NRG1: variants seen among roughly 807,000 people sequenced by gnomAD.
The protein encoded by NRG1 is neuregulin 1.
NRG1 carries 18 observed loss-of-function variants against 63.8 expected under a neutral mutation model. The ratio of observed to expected loss-of-function variants is 0.28; its 90% confidence interval spans 0.19 to 0.42. The LOEUF (loss-of-function observed/expected upper bound fraction) is 0.42. Ranked by LOEUF, NRG1 falls within the 10% of genes least tolerant of loss-of-function variation. The pLI, the probability that NRG1 is intolerant of heterozygous loss-of-function variation, is 1.00. For synonymous variants in NRG1, 302 were observed against 301.3 expected, an observed-to-expected ratio of 1.00 and a Z score of -0.02; for missense variants, 762 against 814.7, an observed-to-expected ratio of 0.94 and a Z score of 0.79.
At position 32,605,402 on chromosome 8, in the gene NRG1, A is replaced by G. The variant is rs114756965; in HGVS notation, c.279-160A>G. Among the ~76,000 whole-genome samples the G allele has an allele frequency of 7.3e-3, 1,114 of 152,306 alleles. 12 individuals carry two copies. The highest frequency in any genetic ancestry group is 0.026 in the African/African-American group (1,069 of 41,568). ...ATGCATCTTACTTTTACTCTAGGTA[A>G]AATCATGAGGTCAGATCAATGTAAC... On this transcript the variant is annotated intron_variant, in intron 2 of 11. Coordinates refer to ENST00000356819, the Ensembl canonical transcript of NRG1.
rs199989706 is a variant in NRG1 at position 31,888,022 on chromosome 8, T to A, written c.37+248591T>A. 4.6e-5 allele frequency among the ~76,000 whole-genome samples: 7 copies of A among 151,772 alleles called. No individual in the cohort carries two copies. In the East Asian group the frequency reaches 1.2e-3, roughly 25 times the overall value. ...ATAAACCTAGGATATAAACCCAATATGTAATTGATATGTTACATATCAATA... is the reference window on the plus strand; with the variant it reads ...ATAAACCTAGGATATAAACCCAATAAGTAATTGATATGTTACATATCAATA... On this transcript the variant is annotated intron_variant, in intron 1 of 10. Transcript: ENST00000519301.
intron 1 of NRG1, among the ~76,000 whole-genome samples, chr8:32,347,038 C>G (rs1460703942): frequency 6.6e-6 from 1 of 151,906 alleles, no homozygotes; most frequent in African/African-American, 2.4e-5. Flanking sequence ...ACCATGTTAG[C>G]CCAGATGGTC....
chr8:32,543,825 T>C (rs1380598092), upstream of NRG1, among the ~76,000 whole-genome samples: 1 of 152,180 alleles, frequency 6.6e-6, no homozygotes, highest in Non-Finnish European at 1.5e-5. Context: ...CAATGACTAA[T>C]TAGTAATTCT....
chr8:32,652,377 G>A (rs866092597), intron 5 of NRG1, among the ~76,000 whole-genome samples: 9 of 152,144 alleles, frequency 5.9e-5, no homozygotes, highest in Middle Eastern at 3.4e-3. Context: ...CCTAGGGTGA[G>A]TTCTTCCCTC....
At chr8:32,767,660 T>C (rs1248803579) in exon 12 of NRG1, 3 of 152,192 alleles carry the variant, frequency 2.0e-5, no homozygotes, top group Non-Finnish European at 4.4e-5. Flanking sequence ...ATCTAACATA[T>C]AGAGTTGTTT....
At chr8:31,830,185 GAATA>G (rs1586688310) in intron 1 of NRG1, among the ~76,000 whole-genome samples, 1 of 152,132 alleles carries the variant, frequency 6.6e-6, no homozygotes, top group African/African-American at 2.4e-5. Flanking sequence ...ATGAATGAAT[GAATA>G]AATAAATAAA....
intron 1 of NRG1, among the ~76,000 whole-genome samples, chr8:32,297,718 T>TCAAAG (rs150131131): frequency 0.056 from 8,480 of 152,320 alleles, 269 homozygotes; most frequent in South Asian, 0.07. Flanking sequence ...AACAAGCCTA[T>TCAAAG]ACTACCACAA....
At chr8:31,806,895 A>G (rs1397599023) in intron 1 of NRG1, among the ~76,000 whole-genome samples, 2 of 152,214 alleles carry the variant, frequency 1.3e-5, no homozygotes, top group Admixed American at 1.3e-4. Context: ...ATACATTAAG[A>G]GTTTTATTTT....
intron 1 of NRG1, among the ~76,000 whole-genome samples, chr8:32,210,614 G>A (rs184924046): frequency 2.1e-4 from 32 of 152,288 alleles, no homozygotes; most frequent in African/African-American, 7.7e-4. Flanking sequence ...GAGAAGAAAA[G>A]ATGAACTTCA....
chr8:31,869,838 A>G (rs1296542357), intron 1 of NRG1, among the ~76,000 whole-genome samples: 2 of 152,206 alleles, frequency 1.3e-5, no homozygotes, highest in Non-Finnish European at 2.9e-5. Context: ...TGCATTGAAC[A>G]TGCGCATCCA....
chr8:32,498,424 C>A (rs913358065), intron 1 of NRG1, among the ~76,000 whole-genome samples: 1 of 152,152 alleles, frequency 6.6e-6, no homozygotes, highest in African/African-American at 2.4e-5. Flanking sequence ...ACAATCATGG[C>A]AGAAGGAGAA....
At chr8:32,011,297 C>T (rs1563677456) in intron 1 of NRG1, among the ~76,000 whole-genome samples, 1 of 152,004 alleles carries the variant, frequency 6.6e-6, no homozygotes, top group Non-Finnish European at 1.5e-5. Context: ...ACAATGACAG[C>T]CAATTTAGCA....
intron 1 of NRG1, among the ~76,000 whole-genome samples, chr8:31,664,143 C>A (rs1022212199): frequency 6.6e-6 from 1 of 152,170 alleles, no homozygotes; most frequent in African/African-American, 2.4e-5. Flanking sequence ...ACCACATACC[C>A]TCTTCACGGT....
intron 1 of NRG1, among the ~76,000 whole-genome samples, chr8:31,881,928 G>A (rs1830378282): frequency 1.3e-5 from 2 of 152,144 alleles, no homozygotes; most frequent in African/African-American, 4.8e-5. Flanking sequence ...GCAAGGTGGT[G>A]CAGCAAATAC....
intron 1 of NRG1, among the ~76,000 whole-genome samples, chr8:32,223,204 G>A (rs1846000684): frequency 6.6e-6 from 1 of 152,056 alleles, no homozygotes; most frequent in Non-Finnish European, 1.5e-5. Context: ...TATAAATAAA[G>A]AGCATTTATA....
chr8:32,084,336 C>T (rs1827917218), intron 1 of NRG1, among the ~76,000 whole-genome samples: 1 of 152,030 alleles, frequency 6.6e-6, no homozygotes, highest in African/African-American at 2.4e-5. Flanking sequence ...ATGATTAGAA[C>T]ATAGTCATTT....
At chr8:32,451,679 C>T (rs1820963338) in intron 1 of NRG1, among the ~76,000 whole-genome samples, 1 of 152,184 alleles carries the variant, frequency 6.6e-6, no homozygotes, top group African/African-American at 2.4e-5. Flanking sequence ...CTCCATGCCT[C>T]CTCAAGCTTT....
rs752694813 is a variant in NRG1 at position 31,640,272 on chromosome 8, A to G, written c.37+841A>G. On this transcript the variant is annotated intron_variant, in intron 1 of 10. Transcript: ENST00000519301. The surrounding 1 kb of genome is among the most constrained non-coding windows in gnomAD (Gnocchi z 6.3). ...ACCCGCAGCGGCGGCAGCAGGGGGC[A>G]CTCGACAGGAAGGCGGCGGCGGCGG... is the stretch of plus-strand genomic sequence containing the variant. 7.9e-5 allele frequency: 90 copies of G among 1,135,398 alleles called. No homozygotes were observed. Among genetic ancestry groups the G allele is most frequent in the Admixed American group, 4.9e-4 (10 of 20,310 alleles). 70.3% of individuals were successfully genotyped at this position (1,135,398 alleles called of 1,614,324 possible).
At chr8:32,631,168 TAA>T (rs76181958) in intron 5 of NRG1, among the ~76,000 whole-genome samples, 5 of 152,228 alleles carry the variant, frequency 3.3e-5, no homozygotes, top group Middle Eastern at 3.4e-3. Context: ...TAACTTTTTT[TAA>T]AAAAAAGAAT....
Sources: allele counts gnomAD v4.1 joint callset (sites outside exome capture counted in the v4.1 genomes callset), GRCh38; gene constraint gnomAD v4.1.1; non-coding constraint Gnocchi (gnomAD v3.1); transcripts MANE v1.5; gene names NCBI Gene and HGNC (gene_info 2026-07-23, HGNC 2026-07-21).